The following PTPRD variants were observed in gnomAD, a reference collection of about 807,000 sequenced individuals.
PTPRD encodes the protein receptor-type tyrosine-protein phosphatase delta.
In PTPRD, 34 loss-of-function variants were observed where a neutral mutation model predicts 214.5. That is an observed-to-expected ratio of 0.16 (90% CI 0.12 to 0.21). The LOEUF (loss-of-function observed/expected upper bound fraction) is 0.21. PTPRD is among the 10% of genes least tolerant of loss of function. PTPRD has a pLI of 1.00. For missense variants in PTPRD, 2,545 were observed against 2,398.7 expected (o/e 1.06, Z -1.27); for synonymous variants, 1,128 against 845.7 (o/e 1.33, Z -5.79).
intron 9 of PTPRD, among the ~76,000 whole-genome samples, chr9:9,257,162 G>C (rs781442511): frequency 2.6e-5 from 4 of 151,786 alleles, no homozygotes; most frequent in African/African-American, 4.8e-5. Context: ...TTTTGTGGGG[G>C]GTAGAAAACA....
At chr9:9,889,086 G>T (rs556260222) in intron 5 of PTPRD, among the ~76,000 whole-genome samples, 1 of 152,124 alleles carries the variant, frequency 6.6e-6, no homozygotes, top group Non-Finnish European at 1.5e-5. Context: ...TATAAGTAGA[G>T]AGTAGAATGA....
intron 5 of PTPRD, among the ~76,000 whole-genome samples, chr9:9,840,194 C>T (rs201923956): frequency 1.3e-5 from 2 of 151,972 alleles, no homozygotes; most frequent in Admixed American, 6.6e-5. Flanking sequence ...CTCACCACCA[C>T]GCCCAGCTAA....
intron 5 of PTPRD, among the ~76,000 whole-genome samples, chr9:9,938,278 T>G (rs1343118343): frequency 6.6e-6 from 1 of 152,208 alleles, no homozygotes; most frequent in Non-Finnish European, 1.5e-5. Flanking sequence ...AATCCATTCA[T>G]AGTTACCTGT....
chr9:10,148,907 T>C (rs969914740), intron 3 of PTPRD, among the ~76,000 whole-genome samples: 2 of 152,208 alleles, frequency 1.3e-5, no homozygotes, highest in African/African-American at 4.8e-5. Flanking sequence ...ATTGGGTCTA[T>C]ATTTAGCTTT....
At chr9:9,148,342 C>T (rs1470431) in intron 10 of PTPRD, among the ~76,000 whole-genome samples, 1 of 151,898 alleles carries the variant, frequency 6.6e-6, no homozygotes, top group Non-Finnish European at 1.5e-5. Context: ...TTGGTTTATA[C>T]AGAAGAAAAT....
chr9:9,310,518 C>A (rs912267648), intron 9 of PTPRD, among the ~76,000 whole-genome samples: 1 of 152,120 alleles, frequency 6.6e-6, no homozygotes, highest in Admixed American at 6.6e-5. Context: ...CCTGATGTGA[C>A]AATCATGTCT....
rs560369208 is a variant in PTPRD, at chr9:9,661,547, T to C, written c.-287+72986A>G. 5.1e-4 allele frequency among the ~76,000 whole-genome samples: 78 copies of C among 151,980 alleles called. 1 individual carries two copies. The highest frequency in any genetic ancestry group is 1.9e-3 in the African/African-American group (77 of 41,536). On this transcript the variant is annotated intron_variant, in intron 7 of 45. Coordinates refer to ENST00000381196, the MANE Select transcript of PTPRD (RefSeq NM_002839.4). Reference sequence around the variant, plus strand: ...ATCATTAGACAATATAGAATACTTATGACTTACTCTACCTATACAGAATTT... The same window carrying C: ...ATCATTAGACAATATAGAATACTTACGACTTACTCTACCTATACAGAATTT...
chr9:9,637,369 G>A (rs1316265748), intron 7 of PTPRD, among the ~76,000 whole-genome samples: 1 of 152,156 alleles, frequency 6.6e-6, no homozygotes, highest in Non-Finnish European at 1.5e-5. Flanking sequence ...AACAAGTTAT[G>A]TACTTCCAAA....
chr9:9,548,673 T>C (rs192509825), intron 8 of PTPRD, among the ~76,000 whole-genome samples: 32 of 152,110 alleles, frequency 2.1e-4, no homozygotes, highest in African/African-American at 7.7e-4. Flanking sequence ...AAAAGTATGA[T>C]AAAAAACGAT....
intron 11 of PTPRD, among the ~76,000 whole-genome samples, chr9:8,785,177 A>G (rs1010438500): frequency 3.3e-5 from 5 of 152,222 alleles, no homozygotes; most frequent in African/African-American, 7.2e-5. Context: ...AAGAAAAGAA[A>G]TTTGGTAAGA....
At chr9:8,334,333 G>T (rs562069873) in intron 43 of PTPRD, among the ~76,000 whole-genome samples, 94 of 150,214 alleles carry the variant, frequency 6.3e-4, no homozygotes, top group African/African-American at 2.1e-3. Flanking sequence ...CATAACAAAC[G>T]GTCTCTCAGA....
At chr9:9,103,324 T>C (rs1462526822) in intron 10 of PTPRD, among the ~76,000 whole-genome samples, 1 of 152,174 alleles carries the variant, frequency 6.6e-6, no homozygotes, top group African/African-American at 2.4e-5. Context: ...GCACCAACTT[T>C]ACAGACAGCA....
intron 8 of PTPRD, among the ~76,000 whole-genome samples, chr9:9,555,396 G>A (rs765705970): frequency 1.4e-4 from 21 of 152,044 alleles, no homozygotes; most frequent in Non-Finnish European, 2.9e-5. Flanking sequence ...GAAAGCTGGT[G>A]TTTATAGAGT....
At chr9:9,106,535 C>A (rs190222558) in intron 10 of PTPRD, among the ~76,000 whole-genome samples, 9 of 142,644 alleles carry the variant, frequency 6.3e-5, no homozygotes, top group African/African-American at 2.3e-4. Flanking sequence ...GAAATACCAC[C>A]ATACTACAGA....
intron 39 of PTPRD, among the ~76,000 whole-genome samples, chr9:8,353,830 A>ATGTATATATGTGTATATG (rs144699728): frequency 7.2e-5 from 2 of 27,674 alleles, no homozygotes; most frequent in South Asian, 1.7e-3. Flanking sequence ...ATATGTATAT[A>ATGTATATATGTGTATATG]TGTATATATG....
chr9:10,373,995 G>A (rs755342479), intron 2 of PTPRD, among the ~76,000 whole-genome samples: 12 of 151,894 alleles, frequency 7.9e-5, no homozygotes, highest in South Asian at 2.1e-4. Context: ...ATCATCCCCC[G>A]AAATATCTGT....
intron 10 of PTPRD, among the ~76,000 whole-genome samples, chr9:9,062,592 CATCT>C (rs371039070): frequency 0.039 from 5,902 of 151,730 alleles, 166 homozygotes; most frequent in African/African-American, 0.077. Flanking sequence ...ACCTACCTAC[CATCT>C]ATCTAACTAT....
intron 14 of PTPRD, among the ~76,000 whole-genome samples, chr9:8,547,107 G>A (rs567468641): frequency 7.2e-4 from 109 of 152,156 alleles, no homozygotes; most frequent in African/African-American, 2.4e-3. Context: ...ATAGACACAG[G>A]CATAAATATT....
At chr9:9,637,583 C>A (rs1035475652) in intron 7 of PTPRD, among the ~76,000 whole-genome samples, 1 of 152,196 alleles carries the variant, frequency 6.6e-6, no homozygotes, top group African/African-American at 2.4e-5. Flanking sequence ...ATGCCTTGGG[C>A]AGCTCCCCGC....
Sources: gnomAD v4.1 joint callset for allele counts (sites outside exome capture counted in the v4.1 genomes callset) on GRCh38, gnomAD v4.1.1 for gene constraint, MANE v1.5 for transcripts, NCBI Gene and HGNC (gene_info 2026-07-23, HGNC 2026-07-21) for gene names.